Variants in MME observed in about 807,000 individuals in gnomAD.
MME encodes the protein neprilysin.
MME carries 98 observed loss-of-function variants against 113.2 expected under a neutral mutation model. That is an observed-to-expected ratio of 0.87 (90% CI 0.74 to 1.02). The LOEUF (loss-of-function observed/expected upper bound fraction) is 1.02, where lower values mean the gene tolerates loss of function less well. MME is among the 50% of genes least tolerant of loss of function. The pLI, the probability that MME is intolerant of heterozygous loss-of-function variation, is 0.00. For missense variants in MME, 836 were observed against 896.0 expected (o/e 0.93, Z 0.86); for synonymous variants, 292 against 300.6 (o/e 0.97, Z 0.30).
At chr3:155,088,116 C>T (rs914285994) in intron 3 of MME, among the ~76,000 whole-genome samples, 1 of 152,098 alleles carries the variant, frequency 6.6e-6, no homozygotes, top group Non-Finnish European at 1.5e-5. Context: ...TACTTGTTCA[C>T]ATTGGTAGTT....
chr3:155,083,882 ACTGT>A, intron 1 of MME: 2 of 390,678 alleles, frequency 5.1e-6, no homozygotes, highest in Non-Finnish European at 9.6e-6. Context: ...ACCAAGTCTT[ACTGT>A]CTAATTTTGC....
intron 1 of MME, among the ~76,000 whole-genome samples, chr3:155,030,841 A>G (rs1404457378): frequency 6.6e-6 from 1 of 152,244 alleles, no homozygotes; most frequent in East Asian, 1.9e-4. Flanking sequence ...AAAGCCTTGT[A>G]TGCCCCACAG....
At chr3:155,106,274 C>G (rs936724231) in intron 3 of MME, among the ~76,000 whole-genome samples, 1 of 152,164 alleles carries the variant, frequency 6.6e-6, no homozygotes, top group East Asian at 1.9e-4. Flanking sequence ...TTTCTTGGAA[C>G]GTAACCAGTG....
chr3:155,090,839 C>G (rs1454933988), intron 3 of MME, among the ~76,000 whole-genome samples: 1 of 152,202 alleles, frequency 6.6e-6, no homozygotes, highest in Non-Finnish European at 1.5e-5. Flanking sequence ...TGAAATGAAG[C>G]TTGCAAATGT....
At chr3:155,166,267 A>G (rs747553670) in intron 17 of MME, among the ~76,000 whole-genome samples, 5 of 152,166 alleles carry the variant, frequency 3.3e-5, no homozygotes, top group Non-Finnish European at 4.4e-5. Context: ...CTAATATTTG[A>G]GGAGCTGGGG....
chr3:155,078,661 G>A (rs1714861129), upstream of MME, among the ~76,000 whole-genome samples: 1 of 118,338 alleles, frequency 8.5e-6, no homozygotes, highest in Non-Finnish European at 1.7e-5. Context: ...GTGTGTGTAT[G>A]TGTGTGTGTG....
chr3:155,069,775 A>G (rs1714494958), intron 1 of MME, among the ~76,000 whole-genome samples: 1 of 152,174 alleles, frequency 6.6e-6, no homozygotes, highest in Non-Finnish European at 1.5e-5. Flanking sequence ...AAGCAATACC[A>G]TCAGATTAAT....
At chr3:155,093,880 A>C (rs1188585806) in intron 3 of MME, among the ~76,000 whole-genome samples, 2 of 151,886 alleles carry the variant, frequency 1.3e-5, no homozygotes, top group Non-Finnish European at 2.9e-5. Flanking sequence ...AGATTGAAAA[A>C]AAGAAAAAAG....
At chr3:155,168,849 A>G (rs771534103) in intron 20 of MME, 52 bp downstream of exon 20, 20 of 1,461,446 alleles carry the variant, frequency 1.4e-5, no homozygotes, top group Non-Finnish European at 1.9e-5. Flanking sequence ...TGTTTCTCAT[A>G]TTTAATAATT....
At chr3:155,121,608 T>A (rs1339194174) in intron 8 of MME, among the ~76,000 whole-genome samples, 1 of 100,676 alleles carries the variant, frequency 9.9e-6, no homozygotes, top group African/African-American at 3.4e-5. Context: ...CCTAATTTCT[T>A]GAGAGTTTTT....
chr3:155,027,277 T>C (rs1476744168), intron 1 of MME, among the ~76,000 whole-genome samples: 1 of 148,070 alleles, frequency 6.8e-6, no homozygotes, highest in East Asian at 2.0e-4. Context: ...TCTTCTCTTG[T>C]ACGTAACACT....
chr3:155,098,816 A>G (rs917223084), intron 3 of MME, among the ~76,000 whole-genome samples: 12 of 152,098 alleles, frequency 7.9e-5, no homozygotes, highest in Non-Finnish European at 1.8e-4. Context: ...TCAGATGGTC[A>G]AGAAATTCTT....
chr3:155,109,795 G>A (rs918268118), intron 3 of MME, among the ~76,000 whole-genome samples: 6 of 152,148 alleles, frequency 3.9e-5, no homozygotes, highest in African/African-American at 1.4e-4. Flanking sequence ...GTTTAGCCAG[G>A]GTTGACAAGT....
intron 1 of MME, among the ~76,000 whole-genome samples, chr3:155,029,406 A>AAT (rs1222225729): frequency 1.3e-5 from 2 of 151,994 alleles, no homozygotes; most frequent in Non-Finnish European, 2.9e-5. Context: ...CTTTAATTTA[A>AAT]ATAACCTCTT....
chr3:155,085,037 G>A (rs1403490787), intron 2 of MME, 22 bp from the exon 3 acceptor site: 4 of 1,542,166 alleles, frequency 2.6e-6, no homozygotes, highest in Admixed American at 1.7e-5. Context: ...CAATATTTAT[G>A]TATATTCTCT....
chr3:155,134,769 T>C (rs1720490500), intron 8 of MME, among the ~76,000 whole-genome samples: 1 of 152,198 alleles, frequency 6.6e-6, no homozygotes, highest in African/African-American at 2.4e-5. Flanking sequence ...GTATAAGTGT[T>C]CCCTTTTCTC....
intron 1 of MME, among the ~76,000 whole-genome samples, chr3:155,062,257 C>A (rs1027386606): frequency 1.3e-5 from 2 of 152,150 alleles, no homozygotes; most frequent in Admixed American, 6.5e-5. Context: ...GCATTCTTTT[C>A]TATCTGCAAG....
intron 3 of MME, among the ~76,000 whole-genome samples, chr3:155,114,287 A>C (rs1718420058): frequency 6.6e-6 from 1 of 152,116 alleles, no homozygotes; most frequent in Admixed American, 6.6e-5. Flanking sequence ...ACATCTTTCT[A>C]TCAATTGCAG....
chr3:155,133,203 CA>C (rs1197985924), intron 8 of MME, among the ~76,000 whole-genome samples: 1 of 151,164 alleles, frequency 6.6e-6, no homozygotes, highest in Non-Finnish European at 1.5e-5. Context: ...ATGGATTTAG[CA>C]CGGCAGTAAC....
Sources: gnomAD v4.1 joint callset for allele counts (sites outside exome capture counted in the v4.1 genomes callset) on GRCh38, gnomAD v4.1.1 for gene constraint, MANE v1.5 for transcripts, NCBI Gene and HGNC (gene_info 2026-07-23, HGNC 2026-07-21) for gene names.